Variants in USP32 observed in about 807,000 individuals in gnomAD.
The protein encoded by USP32 is ubiquitin specific peptidase 32, also known as ubiquitin carboxyl-terminal hydrolase 32.
In USP32, 59 loss-of-function variants were observed where a neutral mutation model predicts 204.8. The ratio of observed to expected loss-of-function variants is 0.29; its 90% CI spans 0.23 to 0.36. The LOEUF (loss-of-function observed/expected upper bound fraction) is 0.36. Among genes scored for constraint, USP32 ranks in the 10% least tolerant of loss-of-function variants. The probability of loss-of-function intolerance (pLI) is 1.00; values close to 1 mark genes in which losing one functional copy is unlikely to be tolerated. For missense variants in USP32, 1,160 were observed against 1,946.4 expected (o/e 0.60, Z 7.60); for synonymous variants, 517 against 678.4 (o/e 0.76, Z 3.70).
chr17:60,294,550 A>T, intron 4 of USP32, 133 bp downstream of exon 4: 2 of 541,632 alleles, frequency 3.7e-6, no homozygotes, highest in South Asian at 3.4e-5. Context: ...ATAAATGGAA[A>T]CATCAATAAA....
intron 1 of USP32, 41 bp from the exon 2 acceptor site, chr17:60,345,649 G>C: frequency 6.2e-7 from 1 of 1,612,076 alleles, no homozygotes; most frequent in Non-Finnish European, 8.5e-7. Context: ...AATCAGGAGA[G>C]AAAAGAGGTG....
chr17:60,407,970 C>T (rs1013805274), intron 1 of USP32, among the ~76,000 whole-genome samples: 2 of 151,244 alleles, frequency 1.3e-5, no homozygotes, highest in Admixed American at 6.6e-5. Context: ...TGGGGGTGAG[C>T]GCCTATAGTC....
rs76667360 is a variant in USP32, at chr17:60,241,365, C to T, written c.1137-5125G>A. Among the ~76,000 whole-genome samples, 324 of 152,250 alleles carry T rather than the reference C, an allele frequency of 2.1e-3. 1 individual carries two copies. Among genetic ancestry groups the T allele is most frequent in the African/African-American group, 7.5e-3 (310 of 41,542 alleles). ...CTGAAACCAGGGACCAGGTGGGTTG[C>T]CATTTTCAAGGCTGCCATTACTAAA... On this transcript the variant is annotated intron_variant, in intron 11 of 33. Coordinates refer to ENST00000300896, the MANE Select transcript of USP32 (RefSeq NM_032582.4).
intron 1 of USP32, among the ~76,000 whole-genome samples, chr17:60,404,039 CAAAAA>C (rs76866814): frequency 9.8e-6 from 1 of 101,546 alleles, no homozygotes; most frequent in Non-Finnish European, 2.2e-5. Context: ...GACCCTGCCT[CAAAAA>C]AAAAAAAAAA....
intron 16 of USP32, among the ~76,000 whole-genome samples, chr17:60,218,657 G>T (rs1019995611): frequency 6.6e-6 from 1 of 152,032 alleles, no homozygotes; most frequent in Non-Finnish European, 1.5e-5. Flanking sequence ...AGGCTGGAGT[G>T]CAACGGTGTG....
chr17:60,290,918 C>G (rs1335693127), intron 4 of USP32, among the ~76,000 whole-genome samples: 1 of 152,194 alleles, frequency 6.6e-6, no homozygotes, highest in Non-Finnish European at 1.5e-5. Context: ...GCTGTGGGAT[C>G]TGATGCTATC....
chr17:60,300,952 C>T (rs2087558993), intron 3 of USP32, among the ~76,000 whole-genome samples: 1 of 152,160 alleles, frequency 6.6e-6, no homozygotes, highest in African/African-American at 2.4e-5. Flanking sequence ...AATATATGGC[C>T]TATTGGGACT....
At chr17:60,406,673 G>A (rs1370093153) in intron 1 of USP32, among the ~76,000 whole-genome samples, 8 of 151,776 alleles carry the variant, frequency 5.3e-5, no homozygotes, top group African/African-American at 1.9e-4. Flanking sequence ...GCGCCACCAC[G>A]CCCAGCTAAT....
At chr17:60,179,706 C>G (rs934521671) in intron 33 of USP32, among the ~76,000 whole-genome samples, 17 of 152,196 alleles carry the variant, frequency 1.1e-4, no homozygotes, top group Admixed American at 7.9e-4. Context: ...GAGTCTCGCT[C>G]TGTCACCAGG....
rs1203790313 is a variant in USP32, at chr17:60,371,859, TA to T, written c.58+20022del. Among the ~76,000 whole-genome samples the T allele has an allele frequency of 4.6e-5, 7 of 152,264 alleles. No homozygotes were observed. The South Asian group carries it at 8.3e-4, about 18-fold the overall frequency. Reference sequence around the variant, plus strand: ...ACAGTGTTCAGGGTTGAATTAGTGATAAATACTTAGAATACTAAGCAAACAC... The same window carrying T: ...ACAGTGTTCAGGGTTGAATTAGTGATAATACTTAGAATACTAAGCAAACAC... On this transcript the variant is annotated intron_variant, in intron 1 of 33. Coordinates refer to ENST00000300896, the MANE Select transcript of USP32 (RefSeq NM_032582.4).
intron 21 of USP32, 44 bp downstream of exon 21, chr17:60,210,969 A>G: frequency 3.9e-6 from 6 of 1,545,518 alleles, no homozygotes; most frequent in Non-Finnish European, 5.2e-6. Context: ...TGATTAAACA[A>G]CTATTAGGAA....
chr17:60,390,643 G>T (rs149236868), intron 1 of USP32, among the ~76,000 whole-genome samples: 16 of 152,274 alleles, frequency 1.1e-4, no homozygotes, highest in African/African-American at 3.9e-4. Context: ...ATGGTCAACT[G>T]AACTTACCCA....
intron 26 of USP32, among the ~76,000 whole-genome samples, chr17:60,204,058 C>T (rs890429133): frequency 6.6e-5 from 10 of 152,256 alleles, no homozygotes; most frequent in Admixed American, 1.3e-4. Context: ...AGTTTTCAAA[C>T]CTTCCTTTTT....
chr17:60,247,788 A>C (rs2086071656), intron 11 of USP32, among the ~76,000 whole-genome samples: 1 of 151,388 alleles, frequency 6.6e-6, no homozygotes, highest in Non-Finnish European at 1.5e-5. Context: ...AGTTCAAGCG[A>C]TTCTCCTGCC....
intron 1 of USP32, among the ~76,000 whole-genome samples, chr17:60,349,749 T>TA (rs1396244409): frequency 6.8e-6 from 1 of 146,604 alleles, no homozygotes; most frequent in Non-Finnish European, 1.5e-5. Context: ...AATGTACATA[T>TA]AAATAAGCTT....
intron 2 of USP32, among the ~76,000 whole-genome samples, chr17:60,333,431 C>A (rs749920052): frequency 9.2e-5 from 14 of 152,104 alleles, no homozygotes; most frequent in Admixed American, 2.0e-4. Context: ...AAACCCCCAT[C>A]TCTACTACAA....
chr17:60,272,163 C>T (rs2086738811), intron 5 of USP32, among the ~76,000 whole-genome samples: 1 of 152,136 alleles, frequency 6.6e-6, no homozygotes, highest in African/African-American at 2.4e-5. Context: ...TTTCTATGTA[C>T]AGCTTCTCTC....
intron 5 of USP32, among the ~76,000 whole-genome samples, chr17:60,282,514 C>T (rs1312168845): frequency 1.3e-5 from 2 of 152,112 alleles, no homozygotes; most frequent in Admixed American, 6.6e-5. Context: ...CCACTACACC[C>T]GGCTAATTTT....
At position 60,392,075 on chromosome 17, in the gene USP32, G is replaced by A; in HGVS notation, c.-136C>T. The A allele has an allele frequency of 4.1e-6, 4 of 982,204 alleles. No homozygotes were observed. The highest frequency in any genetic ancestry group is 3.3e-5 in the South Asian group (2 of 60,998). The allele number at this position is 982,204 out of a possible 1,614,324, so 60.8% of individuals were successfully genotyped here. Reference sequence around the variant, plus strand: ...CCCACCTCCCCCCACACTAACAAGTGCGGCTTCTGCCCCGGCGGCTCCTCC... The same window carrying A: ...CCCACCTCCCCCCACACTAACAAGTACGGCTTCTGCCCCGGCGGCTCCTCC... On this transcript the variant is annotated 5_prime_UTR_variant, in exon 1 of 34. Transcript: ENST00000300896.
Sources: gnomAD v4.1 joint callset for allele counts (sites outside exome capture counted in the v4.1 genomes callset) on GRCh38, gnomAD v4.1.1 for gene constraint, MANE v1.5 for transcripts, NCBI Gene and HGNC (gene_info 2026-07-23, HGNC 2026-07-21) for gene names.